The following SYT14 variants were observed in gnomAD, a reference collection of about 807,000 sequenced individuals.
SYT14 encodes the protein synaptotagmin-14.
In SYT14, 32 loss-of-function variants were observed where a neutral mutation model predicts 74.2. The ratio of observed to expected loss-of-function variants is 0.43; its 90% CI spans 0.33 to 0.58. The LOEUF (loss-of-function observed/expected upper bound fraction) is 0.58, where lower values mean the gene tolerates loss of function less well. Ranked by LOEUF, SYT14 falls within the 20% of genes least tolerant of loss-of-function variation. SYT14 has a pLI of 0.05. For synonymous variants in SYT14, 298 were observed against 337.7 expected, an observed-to-expected ratio of 0.88 and a Z score of 1.29; for missense variants, 791 against 981.8, an observed-to-expected ratio of 0.81 and a Z score of 2.60.
At chr1:210,056,513 A>G (rs77202848) in intron 5 of SYT14, among the ~76,000 whole-genome samples, 12 of 152,098 alleles carry the variant, frequency 7.9e-5, no homozygotes, top group Admixed American at 4.6e-4. Context: ...AAAAGGTTCT[A>G]TAACTAAAAA....
intron 5 of SYT14, among the ~76,000 whole-genome samples, chr1:210,088,052 A>G (rs943718265): frequency 6.6e-6 from 1 of 151,968 alleles, no homozygotes; most frequent in Non-Finnish European, 1.5e-5. Context: ...TAGTTTATCA[A>G]TTTTATTCGT....
intron 4 of SYT14, among the ~76,000 whole-genome samples, chr1:210,020,441 T>C (rs2080278209): frequency 6.6e-6 from 1 of 152,186 alleles, no homozygotes; most frequent in Non-Finnish European, 1.5e-5. Context: ...TATGCAGATT[T>C]AAAAGTTTGA....
exon 10 of SYT14, chr1:210,161,672 T>G: frequency 2.2e-6 from 1 of 453,768 alleles, no homozygotes; most frequent in Non-Finnish European, 4.4e-6. Flanking sequence ...AGGAATTTTT[T>G]TAATATGTTA....
intron 7 of SYT14, among the ~76,000 whole-genome samples, chr1:210,102,918 T>A (rs935031250): frequency 2.0e-5 from 3 of 152,078 alleles, no homozygotes; most frequent in African/African-American, 7.2e-5. Context: ...CCTGAAGCGA[T>A]TCTCCCATGT....
At chr1:210,162,284 C>T (rs1206528440) in exon 10 of SYT14, 63 of 439,180 alleles carry the variant, frequency 1.4e-4, no homozygotes, top group Non-Finnish European at 2.8e-4. Context: ...GTTGTATTTG[C>T]AAAATTAAGC....
At chr1:209,972,107 A>G (rs1389647326) in intron 2 of SYT14, among the ~76,000 whole-genome samples, 1 of 152,016 alleles carries the variant, frequency 6.6e-6, no homozygotes, top group Non-Finnish European at 1.5e-5. Flanking sequence ...TCTTGAGACG[A>G]TCTTGGGAGG....
chr1:209,993,247 G>A (rs979735301), intron 2 of SYT14, among the ~76,000 whole-genome samples: 2 of 152,178 alleles, frequency 1.3e-5, no homozygotes, highest in Non-Finnish European at 2.9e-5. Flanking sequence ...ATGGAACAGG[G>A]GCACATCTGT....
chr1:210,025,943 A>G (rs189412189), intron 5 of SYT14, among the ~76,000 whole-genome samples: 143 of 152,290 alleles, frequency 9.4e-4, no homozygotes, highest in African/African-American at 3.2e-3. Flanking sequence ...CCCTAAGTCT[A>G]TTTCATACAA....
intron 5 of SYT14, among the ~76,000 whole-genome samples, chr1:210,064,723 C>A (rs2081266248): frequency 1.3e-5 from 2 of 152,000 alleles, no homozygotes; most frequent in Non-Finnish European, 2.9e-5. Context: ...CTACTATAAA[C>A]ACTGATGTGC....
intron 7 of SYT14, among the ~76,000 whole-genome samples, chr1:210,146,272 A>G (rs578114649): frequency 1.3e-5 from 2 of 152,150 alleles, no homozygotes; most frequent in African/African-American, 4.8e-5. Context: ...CAGGAGGCAG[A>G]AGTTGCAGTG....
At chr1:209,981,450 C>CTTTTTTTTT (rs1183885685) in intron 2 of SYT14, among the ~76,000 whole-genome samples, 12 of 99,082 alleles carry the variant, frequency 1.2e-4, no homozygotes, top group Admixed American at 1.3e-4. Context: ...TTTTTCTTTT[C>CTTTTTTTTT]TTTTTTTTTT....
At chr1:210,148,012 G>C (rs1480732603) in intron 7 of SYT14, among the ~76,000 whole-genome samples, 2 of 152,056 alleles carry the variant, frequency 1.3e-5, no homozygotes, top group Non-Finnish European at 2.9e-5. Flanking sequence ...AAAGTAGTAG[G>C]AGGTAAAGTA....
exon 7 of SYT14, chr1:210,100,018 T>G (rs1377782846): frequency 6.2e-7 from 1 of 1,613,902 alleles, no homozygotes; most frequent in East Asian, 2.2e-5. Context: ...TTAGGATATG[T>G]CAGCTCAAGG....
rs772610981 is a variant in SYT14 at position 210,013,636 on chromosome 1, C to T, written c.-482C>T. 3.1e-6 allele frequency: 5 copies of T among 1,612,722 alleles called. No individual in the cohort carries two copies. The Admixed American group carries it at 8.3e-5, about 27-fold the overall frequency. On this transcript the variant is annotated 5_prime_UTR_variant, in exon 3 of 10. Coordinates refer to ENST00000637265, the Ensembl canonical transcript of SYT14. ...CTGTGACTTTTTTTTTCTCTAGTAT[C>T]TCCAGAGGCAGTTGGATTTTTGTCA...
At chr1:210,151,324 A>C (rs1223474792) in intron 7 of SYT14, among the ~76,000 whole-genome samples, 2 of 152,194 alleles carry the variant, frequency 1.3e-5, no homozygotes, top group African/African-American at 4.8e-5. Context: ...TGAATGGAGC[A>C]GCATGCCCTG....
At chr1:210,096,239 A>T (rs2081964519) in intron 6 of SYT14, among the ~76,000 whole-genome samples, 1 of 152,160 alleles carries the variant, frequency 6.6e-6, no homozygotes, top group Non-Finnish European at 1.5e-5. Flanking sequence ...CAACTATATT[A>T]TATTGCCTTT....
intron 5 of SYT14, among the ~76,000 whole-genome samples, chr1:210,056,460 TTTC>T (rs932675438): frequency 5.5e-4 from 84 of 152,172 alleles, no homozygotes; most frequent in African/African-American, 2.0e-3. Context: ...GAGCTCCTTA[TTTC>T]TTCTTTTATT....
At chr1:210,100,275 A>C in exon 7 of SYT14, 5 of 1,614,134 alleles carry the variant, frequency 3.1e-6, no homozygotes. Context: ...TCTTCACAGA[A>C]ACATTTAAAT....
chr1:210,045,293 G>A (rs2080864346), intron 5 of SYT14, among the ~76,000 whole-genome samples: 1 of 152,086 alleles, frequency 6.6e-6, no homozygotes, highest in South Asian at 2.1e-4. Context: ...TAAATACAAA[G>A]TAAATGCTTC....
Sources: gnomAD v4.1 joint callset for allele counts (sites outside exome capture counted in the v4.1 genomes callset) on GRCh38, gnomAD v4.1.1 for gene constraint, MANE v1.5 for transcripts, NCBI Gene and HGNC (gene_info 2026-07-23, HGNC 2026-07-21) for gene names.